The following SEMA6D variants were observed in gnomAD, a reference collection of about 807,000 sequenced individuals.
SEMA6D encodes semaphorin-6D.
Under a neutral mutation model 106.6 loss-of-function variants are expected in SEMA6D, and 35 were observed. The observed-to-expected ratio is 0.33, with a 90% CI of 0.25 to 0.44. SEMA6D has a LOEUF of 0.44. Among genes scored for constraint, SEMA6D ranks in the 20% least tolerant of loss-of-function variants. The pLI is 1.00. For synonymous variants in SEMA6D, 499 were observed against 487.7 expected (o/e 1.02, Z -0.31); for missense variants, 1,185 against 1,345.9 (o/e 0.88, Z 1.87).
chr15:47,391,029 C>T (rs1456899770), intron 1 of SEMA6D, among the ~76,000 whole-genome samples: 1 of 152,184 alleles, frequency 6.6e-6, no homozygotes, highest in Admixed American at 6.5e-5. Context: ...AGCTTTCCTT[C>T]CTGAATTTGG....
chr15:47,511,176 T>C lies in SEMA6D; in HGVS notation c.-87+40631T>C, dbSNP rs1008969. Among the ~76,000 whole-genome samples, 1,367 of 152,278 alleles carry C rather than the reference T, an allele frequency of 9.0e-3. 20 individuals are homozygous for C. Among genetic ancestry groups the C allele is most frequent in the African/African-American group, 0.031 (1,305 of 41,556 alleles). On this transcript the variant is annotated intron_variant, in intron 3 of 19. Coordinates refer to the SEMA6D transcript ENST00000558014. ...AGTGTTCATCTTTTTTCAGAGCAGC[T>C]TTGGGGAGAATTGTGAAGGAGGTGG...
At chr15:47,530,187 G>C (rs2142051061) in intron 3 of SEMA6D, among the ~76,000 whole-genome samples, 1 of 152,334 alleles carries the variant, frequency 6.6e-6, no homozygotes, top group Middle Eastern at 3.4e-3. Flanking sequence ...TATTTGCTTT[G>C]ACAGATACAT....
chr15:47,481,232 T>C (rs773889991), intron 3 of SEMA6D, among the ~76,000 whole-genome samples: 3 of 152,030 alleles, frequency 2.0e-5, no homozygotes, highest in Non-Finnish European at 2.9e-5. Context: ...AGAGACCTTT[T>C]TGAGGTGAGC....
chr15:47,351,514 C>A (rs541544895), intron 1 of SEMA6D, among the ~76,000 whole-genome samples: 1 of 152,078 alleles, frequency 6.6e-6, no homozygotes, highest in East Asian at 1.9e-4. Context: ...TATTGTTATT[C>A]CTGATTCAGC....
At chr15:47,588,830 TCA>T (rs2076387724) in intron 3 of SEMA6D, among the ~76,000 whole-genome samples, 2 of 152,104 alleles carry the variant, frequency 1.3e-5, no homozygotes, top group African/African-American at 2.4e-5. Flanking sequence ...GGTTTGTCAG[TCA>T]CAAATGAAAA....
At chr15:47,297,304 C>T (rs2035842482) in intron 1 of SEMA6D, among the ~76,000 whole-genome samples, 1 of 152,126 alleles carries the variant, frequency 6.6e-6, no homozygotes, top group Non-Finnish European at 1.5e-5. Flanking sequence ...TCTGTTAGTC[C>T]TCAGTTTAGT....
At chr15:47,609,659 C>T (rs975142238) in intron 4 of SEMA6D, among the ~76,000 whole-genome samples, 5 of 152,122 alleles carry the variant, frequency 3.3e-5, no homozygotes, top group African/African-American at 1.2e-4. Flanking sequence ...ATGTGTAAGT[C>T]AAAAGGCTTA....
chr15:47,737,966 C>G (rs1034551601), intron 1 of SEMA6D, among the ~76,000 whole-genome samples: 1 of 151,726 alleles, frequency 6.6e-6, no homozygotes, highest in Non-Finnish European at 1.5e-5. Context: ...GCTAATTTCA[C>G]CAGTGTAAAG....
Position 47,361,350 on chromosome 15 carries a change from G to A in SEMA6D, c.-238-51043G>A, listed in dbSNP as rs506561. Among the ~76,000 whole-genome samples the A allele has an allele frequency of 8.4e-3, 1,282 of 152,328 alleles. 25 individuals are homozygous for A. Among genetic ancestry groups the A allele is most frequent in the African/African-American group, 0.029 (1,217 of 41,580 alleles). On this transcript the variant is annotated intron_variant, in intron 1 of 19. Coordinates refer to the SEMA6D transcript ENST00000558014. ...GGCCACTGATGGAGATATTTTGGACGAGTTTTATTATTCCCTGAGTCACAT... is the reference window on the plus strand; with the variant it reads ...GGCCACTGATGGAGATATTTTGGACAAGTTTTATTATTCCCTGAGTCACAT...
chr15:47,376,384 A>G (rs1328220587), intron 1 of SEMA6D, among the ~76,000 whole-genome samples: 2 of 152,220 alleles, frequency 1.3e-5, no homozygotes, highest in African/African-American at 4.8e-5. Context: ...CCCCCTGCAC[A>G]AACTGACTTC....
intron 3 of SEMA6D, among the ~76,000 whole-genome samples, chr15:47,496,839 A>G (rs969142694): frequency 6.6e-6 from 1 of 151,954 alleles, no homozygotes; most frequent in Non-Finnish European, 1.5e-5. Flanking sequence ...AGTTCCAAAA[A>G]TTTTTGGATG....
intron 1 of SEMA6D, among the ~76,000 whole-genome samples, chr15:47,740,100 A>T (rs1466335045): frequency 7.2e-5 from 11 of 152,240 alleles, no homozygotes; most frequent in Admixed American, 7.2e-4. Context: ...GAGGGTACTT[A>T]TCCTCCTGTG....
chr15:47,213,915 T>A (rs1026109378), intron 1 of SEMA6D, among the ~76,000 whole-genome samples: 8 of 151,990 alleles, frequency 5.3e-5, no homozygotes, highest in African/African-American at 1.9e-4. Flanking sequence ...TGTTGACCAC[T>A]GAGATAATAA....
intron 1 of SEMA6D, among the ~76,000 whole-genome samples, chr15:47,271,903 T>C (rs1364157259): frequency 6.6e-6 from 1 of 152,210 alleles, no homozygotes; most frequent in Non-Finnish European, 1.5e-5. Context: ...CACATTCTTA[T>C]GTAGGGGTTT....
chr15:47,488,202 G>A (rs1042296085), intron 3 of SEMA6D, among the ~76,000 whole-genome samples: 2 of 152,206 alleles, frequency 1.3e-5, no homozygotes, highest in Middle Eastern at 3.4e-3. Context: ...ATGGTTGAAA[G>A]GGTGCAGAAA....
intron 2 of SEMA6D, among the ~76,000 whole-genome samples, chr15:47,463,725 G>A (rs2042582093): frequency 6.6e-6 from 1 of 152,170 alleles, no homozygotes; most frequent in African/African-American, 2.4e-5. Flanking sequence ...TTGTCAGATA[G>A]TTGGTGGTTT....
intron 1 of SEMA6D, among the ~76,000 whole-genome samples, chr15:47,382,842 A>T (rs947258493): frequency 1.3e-5 from 2 of 152,168 alleles, no homozygotes; most frequent in Admixed American, 1.3e-4. Context: ...ATCTTGGCTC[A>T]CTGTAACCTC....
intron 1 of SEMA6D, among the ~76,000 whole-genome samples, chr15:47,291,870 G>GTC (rs917015849): frequency 8.6e-5 from 13 of 151,798 alleles, no homozygotes; most frequent in African/African-American, 2.2e-4. Flanking sequence ...CTCTGTCTCT[G>GTC]TCTCTCTCTC....
chr15:47,534,193 C>CT (rs1218478004), intron 3 of SEMA6D, among the ~76,000 whole-genome samples: 13 of 149,460 alleles, frequency 8.7e-5, no homozygotes, highest in South Asian at 4.3e-4. Flanking sequence ...AAAATGCCTT[C>CT]TTTTTTTTTT....
Sources: allele counts gnomAD v4.1 joint callset (sites outside exome capture counted in the v4.1 genomes callset), GRCh38; gene constraint gnomAD v4.1.1; transcripts MANE v1.5; gene names NCBI Gene and HGNC (gene_info 2026-07-23, HGNC 2026-07-21).